Variants in KCNQ5 observed in about 807,000 individuals in gnomAD.
KCNQ5 encodes potassium voltage-gated channel subfamily Q member 5.
In KCNQ5, 30 loss-of-function variants were observed where a neutral mutation model predicts 98.2. That is an observed-to-expected ratio of 0.31 (90% CI 0.23 to 0.41). The LOEUF (loss-of-function observed/expected upper bound fraction) is 0.41. KCNQ5 is among the 10% of genes least tolerant of loss of function. The pLI, the probability that KCNQ5 is intolerant of heterozygous loss-of-function variation, is 1.00. For synonymous variants in KCNQ5, 458 were observed against 449.4 expected, an observed-to-expected ratio of 1.02 and a Z score of -0.24; for missense variants, 835 against 1,182.5, an observed-to-expected ratio of 0.71 and a Z score of 4.31.
chr6:72,868,495 C>G (rs895041988), intron 1 of KCNQ5, among the ~76,000 whole-genome samples: 9 of 152,164 alleles, frequency 5.9e-5, no homozygotes, highest in Admixed American at 5.9e-4. Flanking sequence ...AGACCTGAGC[C>G]TCAATTCTGG....
intron 9 of KCNQ5, among the ~76,000 whole-genome samples, chr6:73,124,955 A>G (rs1224185323): frequency 9.0e-4 from 8 of 8,918 alleles, no homozygotes; most frequent in African/African-American, 3.3e-3. Flanking sequence ...ATATATATAT[A>G]TATATATATA....
Position 73,170,802 on chromosome 6 carries a change from C to T in KCNQ5, c.1577+948C>T, listed in dbSNP as rs552841348. 2.4e-3 allele frequency among the ~76,000 whole-genome samples: 361 copies of T among 151,836 alleles called. 1 individual carries two copies. Among genetic ancestry groups the T allele is most frequent in the Non-Finnish European group, 3.9e-3 (265 of 67,926 alleles). Reference sequence around the variant, plus strand: ...TACAAAAATTAGCTGGGTGTGGTGGCGGGCACCTGTAATCCCAGATACTTG... The same window carrying T: ...TACAAAAATTAGCTGGGTGTGGTGGTGGGCACCTGTAATCCCAGATACTTG... On this transcript the variant is annotated intron_variant, in intron 11 of 13. Transcript: ENST00000370398.
At chr6:73,018,433 G>C (rs1312385258) in intron 2 of KCNQ5, among the ~76,000 whole-genome samples, 1 of 152,034 alleles carries the variant, frequency 6.6e-6, no homozygotes, top group Non-Finnish European at 1.5e-5. Context: ...GATAGAGGTC[G>C]AGCTGTGTCC....
intron 1 of KCNQ5, among the ~76,000 whole-genome samples, chr6:72,635,842 G>T (rs76546603): frequency 0.018 from 2,793 of 151,698 alleles, 71 homozygotes; most frequent in African/African-American, 0.062. Context: ...TACTGCCTAC[G>T]TAGACTGGGT....
At chr6:73,087,781 G>T (rs1333306940) in intron 5 of KCNQ5, among the ~76,000 whole-genome samples, 3 of 151,278 alleles carry the variant, frequency 2.0e-5, no homozygotes, top group Non-Finnish European at 4.4e-5. Flanking sequence ...GAAGAGAAGA[G>T]TGCTTCTAGA....
chr6:72,856,016 C>T (rs577361008), intron 1 of KCNQ5, among the ~76,000 whole-genome samples: 1 of 152,286 alleles, frequency 6.6e-6, no homozygotes, highest in South Asian at 2.1e-4. Flanking sequence ...GGAAAGTATA[C>T]ACTCTTACTG....
intron 1 of KCNQ5, among the ~76,000 whole-genome samples, chr6:72,716,134 A>G (rs949038798): frequency 2.0e-5 from 3 of 152,200 alleles, no homozygotes; most frequent in Non-Finnish European, 4.4e-5. Flanking sequence ...GTTGTTTATC[A>G]TAAGGAATTC....
intron 1 of KCNQ5, among the ~76,000 whole-genome samples, chr6:72,712,323 A>T (rs547479911): frequency 6.6e-6 from 1 of 152,300 alleles, no homozygotes; most frequent in South Asian, 2.1e-4. Context: ...AAGGTTTAAG[A>T]AGCCAGGGGA....
chr6:72,647,461 GA>G (rs1302299672), intron 1 of KCNQ5, among the ~76,000 whole-genome samples: 18 of 131,530 alleles, frequency 1.4e-4, no homozygotes, highest in South Asian at 2.4e-4. Context: ...AAAACAAAAC[GA>G]AAAAAAAAGA....
At chr6:72,799,600 A>G (rs1216961546) in intron 1 of KCNQ5, among the ~76,000 whole-genome samples, 2 of 152,204 alleles carry the variant, frequency 1.3e-5, no homozygotes, top group Admixed American at 1.3e-4. Context: ...AAGAATCTGT[A>G]TTTTCTACAG....
intron 1 of KCNQ5, among the ~76,000 whole-genome samples, chr6:72,820,173 G>A (rs981649681): frequency 1.3e-5 from 2 of 152,160 alleles, no homozygotes; most frequent in African/African-American, 2.4e-5. Flanking sequence ...AGCTTCTCTT[G>A]TCATAGTGTG....
At chr6:73,061,000 T>C (rs1772755157) in intron 3 of KCNQ5, among the ~76,000 whole-genome samples, 1 of 152,200 alleles carries the variant, frequency 6.6e-6, no homozygotes, top group Non-Finnish European at 1.5e-5. Flanking sequence ...GTCTACTTCC[T>C]AATAATTTCA....
At chr6:72,837,332 T>C (rs55748940) in intron 1 of KCNQ5, among the ~76,000 whole-genome samples, 2,260 of 152,300 alleles carry the variant, frequency 0.015, 29 homozygotes, top group Non-Finnish European at 0.022. Context: ...GTTAATATTA[T>C]TCCTACTTAA....
intron 1 of KCNQ5, among the ~76,000 whole-genome samples, chr6:72,640,285 T>C (rs1049121125): frequency 6.6e-6 from 1 of 150,882 alleles, no homozygotes; most frequent in Non-Finnish European, 1.5e-5. Context: ...ATCTGATAAA[T>C]GTGGAAATAA....
intron 11 of KCNQ5, among the ~76,000 whole-genome samples, chr6:73,187,057 A>AATT (rs1416284259): frequency 1.3e-5 from 2 of 149,996 alleles, no homozygotes; most frequent in Non-Finnish European, 3.0e-5. Flanking sequence ...TAACCACCAA[A>AATT]ATTCTTTTTT....
chr6:73,090,558 T>A (rs1055985273), intron 5 of KCNQ5, among the ~76,000 whole-genome samples: 1 of 152,228 alleles, frequency 6.6e-6, no homozygotes, highest in African/African-American at 2.4e-5. Context: ...TATATTTAAG[T>A]CCTTAATCCA....
At chr6:72,732,444 C>T (rs768272680) in intron 1 of KCNQ5, among the ~76,000 whole-genome samples, 12 of 152,138 alleles carry the variant, frequency 7.9e-5, no homozygotes, top group South Asian at 2.1e-4. Flanking sequence ...GAAGAGCCAA[C>T]GGGCAGAGAA....
chr6:73,062,004 G>A (rs1772803829), intron 3 of KCNQ5, among the ~76,000 whole-genome samples: 1 of 152,146 alleles, frequency 6.6e-6, no homozygotes, highest in African/African-American at 2.4e-5. Context: ...GAGAGTCTGT[G>A]TATCTTAAAT....
chr6:72,838,273 T>C (rs1776604367), intron 1 of KCNQ5, among the ~76,000 whole-genome samples: 2 of 151,972 alleles, frequency 1.3e-5, no homozygotes, highest in African/African-American at 4.8e-5. Context: ...CCTTTGCTTC[T>C]TGTGCAGTGT....
Sources: gnomAD v4.1 joint callset for allele counts (sites outside exome capture counted in the v4.1 genomes callset) on GRCh38, gnomAD v4.1.1 for gene constraint, MANE v1.5 for transcripts, NCBI Gene and HGNC (gene_info 2026-07-23, HGNC 2026-07-21) for gene names.